The following GOT1L1 variants were observed in gnomAD, a reference collection of about 807,000 sequenced individuals.
GOT1L1 encodes the protein aspartate aminotransferase, cytoplasmic 2.
A neutral mutation model predicts 43.6 loss-of-function variants in GOT1L1; 38 were observed. The ratio of observed to expected loss-of-function variants is 0.87; its 90% CI spans 0.67 to 1.14. GOT1L1 has a LOEUF of 1.14. Ranked by LOEUF, GOT1L1 falls within the 50% of genes most tolerant of loss-of-function variation. The pLI, the probability that GOT1L1 is intolerant of heterozygous loss-of-function variation, is 0.00. For missense variants in GOT1L1, 482 were observed against 504.0 expected (o/e 0.96, Z 0.42); for synonymous variants, 183 against 187.2 (o/e 0.98, Z 0.18).
At chr8:37,934,627 A>G (rs1298244962) in intron 8 of GOT1L1, 141 bp from the exon 9 acceptor site, 12 of 695,312 alleles carry the variant, frequency 1.7e-5, no homozygotes, top group African/African-American at 1.6e-4. Context: ...CTGGAGTTCA[A>G]TGGTGCAATC....
chr8:37,939,426 AAAAAAATATAT>A (rs1365872565), intron 1 of GOT1L1, among the ~76,000 whole-genome samples: 3 of 54,598 alleles, frequency 5.5e-5, no homozygotes, highest in African/African-American at 2.5e-4. Context: ...GAAAAAAAAA[AAAAAAATATAT>A]ATATATATAT....
rs772691991 is a variant in GOT1L1, at chr8:37,934,987, G to A, written c.1072+86C>T. On this transcript the variant is annotated intron_variant, in intron 8 of 8. Transcript: ENST00000307599. ...GAATCAAAATCTGGAGTGAAGCTAG[G>A]AACTGGTCACCTAGTCAGTGAAGTT... 10 of 1,443,664 alleles carry A rather than the reference G, an allele frequency of 6.9e-6. No homozygotes were observed. In the East Asian group the frequency reaches 1.8e-4, roughly 27 times the overall value. 89.4% of individuals were successfully genotyped at this position (1,443,664 alleles called of 1,614,324 possible).
chr8:37,937,451 G>T, intron 3 of GOT1L1, 65 bp from the exon 4 acceptor site: 1 of 1,163,150 alleles, frequency 8.6e-7, no homozygotes. Flanking sequence ...CAGAGGTACT[G>T]GAGTGTGGGG....
At chr8:37,939,735 A>G (rs187581747) in intron 1 of GOT1L1, among the ~76,000 whole-genome samples, 180 bp downstream of exon 1, 4 of 152,172 alleles carry the variant, frequency 2.6e-5, no homozygotes, top group Admixed American at 1.3e-4. Flanking sequence ...GGCAGAGAGC[A>G]TGGAATGACC....
chr8:37,939,831 C>T, intron 1 of GOT1L1, 84 bp downstream of exon 1: 1 of 1,353,180 alleles, frequency 7.4e-7, no homozygotes, highest in South Asian at 1.3e-5. Flanking sequence ...GGCTGCACCC[C>T]TCCCCCTGCA....
rs949729243 is a variant in GOT1L1, at chr8:37,937,025, C to T, written c.552G>A (p.Gly184=). The T allele has an allele frequency of 6.8e-6, 11 of 1,613,988 alleles. No homozygotes were observed. The highest frequency in any genetic ancestry group is 1.7e-4 in the Middle Eastern group (1 of 6,044). The stretch of plus-strand genomic sequence containing the variant: ...GTGTCAACTTGCAGTCGATAATGTT[C>T]CCCATCACAAGGACACAGCCATGTG... ...QIPHGCVLVM[G]NIIDCKLTPS... Residue 184 remains glycine (G), a synonymous_variant, in exon 5 of 9, where the codon GGG becomes GGA. Transcript: ENST00000307599.
At chr8:37,936,676 A>T in intron 6 of GOT1L1, 44 bp downstream of exon 6, 1 of 1,557,672 alleles carries the variant, frequency 6.4e-7, no homozygotes. Context: ...TGAGCGCAGC[A>T]CCACTTCAGC....
intron 3 of GOT1L1, 52 bp downstream of exon 3, chr8:37,937,586 T>A: frequency 2.3e-6 from 3 of 1,315,582 alleles, no homozygotes; most frequent in Non-Finnish European, 3.2e-6. Context: ...GGGGTGAGGA[T>A]TAGGAACAAG....
At chr8:37,939,075 G>A (rs1227422024) in intron 1 of GOT1L1, 194 bp from the exon 2 acceptor site, 1 of 527,302 alleles carries the variant, frequency 1.9e-6, no homozygotes, top group African/African-American at 1.9e-5. Flanking sequence ...TATTATTTTT[G>A]TCTTTTTAAA....
intron 6 of GOT1L1, 143 bp from the exon 7 acceptor site, chr8:37,936,012 C>A: frequency 1.1e-6 from 1 of 877,168 alleles, no homozygotes; most frequent in Non-Finnish European, 1.7e-6. Flanking sequence ...GATATTCAGG[C>A]TCCGGGAAGT....
intron 1 of GOT1L1, 33 bp from the exon 2 acceptor site, chr8:37,938,914 G>A (rs1161875348): frequency 5.6e-6 from 9 of 1,605,482 alleles, no homozygotes; most frequent in South Asian, 1.1e-5. Context: ...AGCTCCAGAT[G>A]CCTGGTTTGG....
chr8:37,937,430 A>G, intron 3 of GOT1L1, 44 bp from the exon 4 acceptor site: 2 of 1,329,780 alleles, frequency 1.5e-6, no homozygotes, highest in Non-Finnish European at 1.0e-6. Context: ...TGGGAAACAG[A>G]GAGACGGAGA....
chr8:37,936,688 ACAGAC>A (rs1466666332), intron 6 of GOT1L1, 27 bp downstream of exon 6: 1 of 1,583,986 alleles, frequency 6.3e-7, no homozygotes, highest in South Asian at 1.1e-5. Context: ...CACTTCAGCA[ACAGAC>A]CCTCCCTTCT....
At chr8:37,935,426 C>A (rs1807717519) in intron 7 of GOT1L1, among the ~76,000 whole-genome samples, 1 of 152,106 alleles carries the variant, frequency 6.6e-6, no homozygotes, top group Admixed American at 6.5e-5. Context: ...GTTGCAAGCC[C>A]CTGATGCTCT....
chr8:37,935,893 C>T (rs779364216), intron 6 of GOT1L1, 24 bp from the exon 7 acceptor site: 2 of 1,604,284 alleles, frequency 1.2e-6, no homozygotes, highest in East Asian at 2.3e-5. Flanking sequence ...AAGACAGCCT[C>T]AGCCTCAGCC....
chr8:37,937,044 C>T lies in GOT1L1; in HGVS notation c.533G>A (p.Gly178Asp). 1 of 1,613,830 alleles carries T rather than the reference C, an allele frequency of 6.2e-7. No individual in the cohort carries two copies. The highest frequency in any genetic ancestry group is 8.5e-7 in the Non-Finnish European group (1 of 1,179,808). ...LLNVVEQIPH[G>D]CVLVMGNIID... ...AATGTTCCCCATCACAAGGACACAGCCATGTGGGATCTGCTGCAGGTACAG... is the reference window on the plus strand; with the variant it reads ...AATGTTCCCCATCACAAGGACACAGTCATGTGGGATCTGCTGCAGGTACAG... The change falls in exon 5 of 9, where the codon GGC becomes GAC. Residue 178 changes from glycine (G) to aspartate (D), a missense_variant. By Grantham distance (94) the Gly-to-Asp change is moderately conservative. Transcript: ENST00000307599.
Position 37,934,372 on chromosome 8 carries a change from T to G in GOT1L1, c.1187A>C (p.Asn396Thr). Reference protein sequence around the residue: ...NNINYITEGINEAVLLTESSE... With the variant: ...NNINYITEGITEAVLLTESSE... ...GCTCTCTGTGAGGAGGACAGCCTCATTGATGCCCTCAGTGATGTAATTTAT... is the reference window on the plus strand; with the variant it reads ...GCTCTCTGTGAGGAGGACAGCCTCAGTGATGCCCTCAGTGATGTAATTTAT... Residue 396 changes from asparagine to threonine, a missense_variant, in exon 9 of 9, where the codon AAT becomes ACT. Transcript: ENST00000307599. The G allele has an allele frequency of 6.2e-7, 1 of 1,612,406 alleles. No individual in the cohort carries two copies. The highest frequency in any genetic ancestry group is 8.5e-7 in the Non-Finnish European group (1 of 1,178,434).
chr8:37,934,892 A>G, intron 8 of GOT1L1, 181 bp downstream of exon 8: 1 of 667,538 alleles, frequency 1.5e-6, no homozygotes, highest in Non-Finnish European at 2.5e-6. Context: ...CTGGTTTATG[A>G]AGGATAGGGA....
Position 37,936,691 on chromosome 8 carries a change from G to A in GOT1L1, c.763+29C>T, listed in dbSNP as rs539537214. On this transcript the variant is annotated intron_variant, in intron 6 of 8. Coordinates refer to ENST00000307599, the MANE Select transcript of GOT1L1 (RefSeq NM_152413.3). ...TGAGCGCAGCACCACTTCAGCAACAGACCCTCCCTTCTTCTGCCTGTACCA... is the reference window on the plus strand; with the variant it reads ...TGAGCGCAGCACCACTTCAGCAACAAACCCTCCCTTCTTCTGCCTGTACCA... 6.9e-6 allele frequency: 11 copies of A among 1,585,642 alleles called. No individual in the cohort carries two copies. In the Admixed American group the frequency reaches 1.6e-4, roughly 22 times the overall value.
Sources: allele counts gnomAD v4.1 joint callset (sites outside exome capture counted in the v4.1 genomes callset), GRCh38; gene constraint gnomAD v4.1.1; transcripts MANE v1.5; gene names NCBI Gene and HGNC (gene_info 2026-07-23, HGNC 2026-07-21).